Variants in ADGB observed in about 807,000 individuals in gnomAD.
ADGB encodes androglobin.
A neutral mutation model predicts 210.5 loss-of-function variants in ADGB; 172 were observed. The ratio of observed to expected loss-of-function variants is 0.82; its 90% CI spans 0.72 to 0.93. ADGB has a LOEUF of 0.93. Among genes scored for constraint, ADGB ranks in the 40% least tolerant of loss-of-function variants. The pLI, the probability that ADGB is intolerant of heterozygous loss-of-function variation, is 0.00. For missense variants in ADGB, 2,025 were observed against 1,964.8 expected (o/e 1.03, Z -0.58); for synonymous variants, 658 against 662.7 (o/e 0.99, Z 0.11).
At chr6:146,713,169 T>A (rs1776683040) in intron 13 of ADGB, among the ~76,000 whole-genome samples, 1 of 152,222 alleles carries the variant, frequency 6.6e-6, no homozygotes, top group Non-Finnish European at 1.5e-5. Flanking sequence ...TGTCAATAGA[T>A]ATTGGGTTGC....
intron 13 of ADGB, among the ~76,000 whole-genome samples, chr6:146,711,073 CACTT>C (rs1456368946): frequency 6.6e-6 from 1 of 151,706 alleles, no homozygotes; most frequent in Non-Finnish European, 1.5e-5. Flanking sequence ...CACCTGAACT[CACTT>C]ACTATCCCAT....
chr6:146,701,192 T>C (rs1583596459), intron 13 of ADGB, 122 bp downstream of exon 13: 1 of 1,139,778 alleles, frequency 8.8e-7, no homozygotes, highest in East Asian at 2.7e-5. Flanking sequence ...GTATAAAGAA[T>C]AGTGTTAAAA....
intron 1 of ADGB, among the ~76,000 whole-genome samples, chr6:146,602,818 A>C (rs1197501252): frequency 6.6e-6 from 1 of 152,176 alleles, no homozygotes; most frequent in Non-Finnish European, 1.5e-5. Context: ...AGGAGCGCAA[A>C]TCCTATTGTA....
At chr6:146,708,077 A>G (rs1776602093) in intron 13 of ADGB, among the ~76,000 whole-genome samples, 1 of 152,114 alleles carries the variant, frequency 6.6e-6, no homozygotes, top group African/African-American at 2.4e-5. Flanking sequence ...CTTTGATCGC[A>G]TACAAAAACT....
In ADGB at chr6:146,685,740, C is replaced by A; in HGVS notation, c.1223C>A (p.Ser408Tyr). 1 of 1,514,992 alleles carries A rather than the reference C, an allele frequency of 6.6e-7. No homozygotes were observed. Among genetic ancestry groups the A allele is most frequent in the Non-Finnish European group, 8.8e-7 (1 of 1,131,808 alleles). 93.8% of individuals were successfully genotyped at this position (1,514,992 alleles called of 1,614,324 possible). Reference sequence around the variant, plus strand: ...ATGTATGTTTGTTTTACAGGTTCTTCTGCAATACAGACCTCTCATATGGTC... The same window carrying A: ...ATGTATGTTTGTTTTACAGGTTCTTATGCAATACAGACCTCTCATATGGTC... ...YSVQSLSDCS[S>Y]AIQTSHMVVY... Residue 408 changes from serine (S) to tyrosine (Y), a missense_variant, in exon 10 of 36, where the codon TCT becomes TAT. Coordinates refer to ENST00000397944, the MANE Select transcript of ADGB (RefSeq NM_024694.4).
At chr6:146,658,800 T>G (rs1395044974) in intron 5 of ADGB, among the ~76,000 whole-genome samples, 5 of 152,186 alleles carry the variant, frequency 3.3e-5, no homozygotes, top group Non-Finnish European at 5.9e-5. Context: ...TCTAGATAAT[T>G]TAGCCCTTTA....
chr6:146,613,519 A>AAT (rs1424138466), intron 1 of ADGB, among the ~76,000 whole-genome samples: 12 of 152,218 alleles, frequency 7.9e-5, no homozygotes, highest in Non-Finnish European at 5.9e-5. Flanking sequence ...TGCCTTAAGA[A>AAT]AATAATGGCA....
intron 11 of ADGB, among the ~76,000 whole-genome samples, chr6:146,691,498 ATATTTTTTTTTTT>A (rs1200008919): frequency 3.5e-4 from 6 of 17,064 alleles, no homozygotes; most frequent in African/African-American, 2.7e-3. Context: ...ATATATATAT[ATATTTTTTTTTTT>A]TTTTTTTTTT....
chr6:146,675,816 A>G (rs1776075824), intron 8 of ADGB, among the ~76,000 whole-genome samples: 2 of 152,164 alleles, frequency 1.3e-5, no homozygotes, highest in Admixed American at 1.3e-4. Flanking sequence ...CATGTAGGCA[A>G]TAAGATGCTG....
At chr6:146,786,190 T>TAATATAA in intron 32 of ADGB, among the ~76,000 whole-genome samples, 1 of 147,798 alleles carries the variant, frequency 6.8e-6, no homozygotes, top group South Asian at 2.1e-4. Flanking sequence ...TAAGTATATA[T>TAATATAA]TATATTATAT....
intron 22 of ADGB, 64 bp from the exon 23 acceptor site, chr6:146,736,434 T>C: frequency 1.9e-6 from 2 of 1,068,640 alleles, no homozygotes; most frequent in Non-Finnish European, 2.6e-6. Context: ...ATGAAGGCTT[T>C]GGACAAGATG....
chr6:146,693,885 A>G (rs1207005540), intron 12 of ADGB, among the ~76,000 whole-genome samples: 1 of 152,196 alleles, frequency 6.6e-6, no homozygotes, highest in Non-Finnish European at 1.5e-5. Context: ...CTTTTCCTCC[A>G]TGGCCCAATA....
intron 33 of ADGB, 131 bp downstream of exon 33, chr6:146,788,741 T>G (rs1777916102): frequency 1.1e-6 from 1 of 885,284 alleles, no homozygotes; most frequent in Non-Finnish European, 1.7e-6. Flanking sequence ...TATATAGATT[T>G]TCATTTTACT....
At position 146,609,115 on chromosome 6, in the gene ADGB, C is replaced by T. The variant is rs143898458; in HGVS notation, c.74+10001C>T. Among the ~76,000 whole-genome samples the T allele has an allele frequency of 4.3e-4, 66 of 152,220 alleles. 1 individual carries two copies. The East Asian group carries it at 0.011, about 26-fold the overall frequency. On this transcript the variant is annotated intron_variant, in intron 1 of 35. Transcript: ENST00000397944. ...CTTCTTTTTGAACTGAACCCTTTAT[C>T]GTTATTTAATGTTTTTTGTCCCTTT...
chr6:146,698,820 C>A (rs1776446497), intron 12 of ADGB, among the ~76,000 whole-genome samples: 1 of 151,992 alleles, frequency 6.6e-6, no homozygotes, highest in Admixed American at 6.6e-5. Context: ...GAGTTTGAGG[C>A]AAGTGGTGCC....
chr6:146,759,073 T>A (rs1777451093), intron 27 of ADGB, among the ~76,000 whole-genome samples: 1 of 151,968 alleles, frequency 6.6e-6, no homozygotes, highest in Non-Finnish European at 1.5e-5. Context: ...TCCTTTACGG[T>A]ATGTATTTCT....
intron 13 of ADGB, among the ~76,000 whole-genome samples, chr6:146,705,156 TGAGTTTATATATTA>T (rs1394193255): frequency 6.6e-6 from 1 of 152,144 alleles, no homozygotes; most frequent in Non-Finnish European, 1.5e-5. Flanking sequence ...GAAACTTTAT[TGAGTTTATATATTA>T]GATCTAACAG....
chr6:146,725,892 G>C (rs1014491757), intron 18 of ADGB, 191 bp from the exon 19 acceptor site: 1 of 435,544 alleles, frequency 2.3e-6, no homozygotes, highest in East Asian at 3.3e-5. Flanking sequence ...TAAGTAAAGC[G>C]TAGATTTCAT....
At chr6:146,680,080 T>G (rs1299284184) in intron 9 of ADGB, among the ~76,000 whole-genome samples, 1 of 152,182 alleles carries the variant, frequency 6.6e-6, no homozygotes, top group Non-Finnish European at 1.5e-5. Context: ...GAAAAACTGC[T>G]AGCTTTTCAC....
Sources: gnomAD v4.1 joint callset for allele counts (sites outside exome capture counted in the v4.1 genomes callset) on GRCh38, gnomAD v4.1.1 for gene constraint, MANE v1.5 for transcripts, NCBI Gene and HGNC (gene_info 2026-07-23, HGNC 2026-07-21) for gene names.